CALCR: variants seen among roughly 807,000 people sequenced by gnomAD.
CALCR encodes calcitonin receptor.
CALCR carries 47 observed loss-of-function variants against 59.5 expected under a neutral mutation model. The observed-to-expected ratio is 0.79, with a 90% CI of 0.63 to 1.01. The LOEUF is 1.01. Among genes scored for constraint, CALCR ranks in the 50% least tolerant of loss-of-function variants. The pLI is 0.00. For missense variants in CALCR, 566 were observed against 597.1 expected, an observed-to-expected ratio of 0.95 and a Z score of 0.54; for synonymous variants, 213 against 211.3, an observed-to-expected ratio of 1.01 and a Z score of -0.07.
At chr7:93,454,339 C>A (rs1800165493) in intron 8 of CALCR, among the ~76,000 whole-genome samples, 1 of 151,934 alleles carries the variant, frequency 6.6e-6, no homozygotes, top group South Asian at 2.1e-4. Flanking sequence ...ATGTTGCTTT[C>A]CAGAACTTGG....
intron 2 of CALCR, 54 bp from the exon 3 acceptor site, chr7:93,487,061 C>T: frequency 3.3e-6 from 3 of 906,278 alleles, no homozygotes; most frequent in Non-Finnish European, 5.2e-6. Flanking sequence ...CTAATATTGG[C>T]TATGGCATTT....
chr7:93,453,915 T>C (rs1562979695), intron 8 of CALCR, among the ~76,000 whole-genome samples: 1 of 152,090 alleles, frequency 6.6e-6, no homozygotes, highest in Non-Finnish European at 1.5e-5. Context: ...TTTTGACATA[T>C]AAGTAAACTG....
rs547583836 is a variant in CALCR, at chr7:93,482,228, T to A, written c.52-2721A>T. ...AATATGTGTGTTTTAAAAATTCAAT[T>A]ACATATTAGGCAACCATCAAAACAA... On this transcript the variant is annotated intron_variant, in intron 3 of 13. Coordinates refer to ENST00000426151, the MANE Select transcript of CALCR (RefSeq NM_001742.4). Among the ~76,000 whole-genome samples, 15 of 151,964 alleles carry A rather than the reference T, an allele frequency of 9.9e-5. 1 individual carries two copies. Among genetic ancestry groups the A allele is most frequent in the African/African-American group, 3.6e-4 (15 of 41,530 alleles).
intron 2 of CALCR, among the ~76,000 whole-genome samples, chr7:93,569,216 A>G (rs1316872526): frequency 1.3e-5 from 2 of 151,920 alleles, no homozygotes; most frequent in African/African-American, 2.4e-5. Context: ...TCCACCAGAG[A>G]GATCTACCAA....
intron 5 of CALCR, among the ~76,000 whole-genome samples, chr7:93,475,709 G>T (rs144431348): frequency 1.4e-3 from 220 of 151,828 alleles, no homozygotes; most frequent in Admixed American, 2.7e-3. Flanking sequence ...ACTAAAGTCT[G>T]GATCGAGTCA....
intron 2 of CALCR, among the ~76,000 whole-genome samples, chr7:93,533,780 T>G (rs1311571229): frequency 1.3e-5 from 2 of 151,490 alleles, no homozygotes; most frequent in Admixed American, 1.3e-4. Flanking sequence ...TTTTAGAAGC[T>G]TTTTTTTCTC....
chr7:93,533,266 C>T (rs528398899), intron 2 of CALCR, among the ~76,000 whole-genome samples: 2 of 152,022 alleles, frequency 1.3e-5, no homozygotes, highest in South Asian at 4.1e-4. Flanking sequence ...TTTCATGGGA[C>T]TCAATTAATG....
intron 7 of CALCR, 112 bp downstream of exon 7, chr7:93,468,603 G>T: frequency 1.6e-6 from 1 of 623,822 alleles, no homozygotes; most frequent in Non-Finnish European, 2.8e-6. Flanking sequence ...AATGTTGCAT[G>T]TCGCTTGTAA....
In CALCR at chr7:93,458,745, C is replaced by A. The variant is rs564009196; in HGVS notation, c.648+2076G>T. Among the ~76,000 whole-genome samples the A allele has an allele frequency of 2.6e-3, 401 of 152,272 alleles. 1 individual carries two copies. Among genetic ancestry groups the A allele is most frequent in the Non-Finnish European group, 3.8e-3 (259 of 68,036 alleles). ...TCTGTCTTCGGGTTCATATACCTTT[C>A]CCTCCACTTGTCCATTCAGGCCTGG... On this transcript the variant is annotated intron_variant, in intron 8 of 13. Transcript: ENST00000426151.
chr7:93,547,268 T>C (rs1300166699), intron 2 of CALCR, among the ~76,000 whole-genome samples: 1 of 152,190 alleles, frequency 6.6e-6, no homozygotes, highest in Admixed American at 6.5e-5. Flanking sequence ...ATAGTTTATG[T>C]TATACATAAT....
intron 3 of CALCR, among the ~76,000 whole-genome samples, chr7:93,486,229 A>G (rs1056588549): frequency 1.3e-5 from 2 of 151,542 alleles, no homozygotes; most frequent in African/African-American, 4.8e-5. Flanking sequence ...TCTCCCATTC[A>G]TGTGCTATTG....
At chr7:93,446,115 G>A (rs1800002347) in intron 8 of CALCR, among the ~76,000 whole-genome samples, 1 of 151,904 alleles carries the variant, frequency 6.6e-6, no homozygotes, top group Admixed American at 6.6e-5. Context: ...CAATTTATAG[G>A]AAAAGACAAA....
At chr7:93,519,283 G>A (rs1483389621) in intron 2 of CALCR, among the ~76,000 whole-genome samples, 1 of 151,894 alleles carries the variant, frequency 6.6e-6, no homozygotes, top group Non-Finnish European at 1.5e-5. Flanking sequence ...TAACTTAAAT[G>A]AAAACTGATA....
In CALCR at chr7:93,443,758, C is replaced by T. The variant is rs1292096060; in HGVS notation, c.649-1G>A. ...AAAAATGCAAAATCTTGCAGCTCAC[C>T]TGTCAGAAAGAAAGGAAGATACTCA... is the stretch of plus-strand genomic sequence containing the variant. On this transcript the variant is annotated splice_acceptor_variant, in intron 8 of 13. Coordinates refer to ENST00000426151, the MANE Select transcript of CALCR (RefSeq NM_001742.4). LOFTEE classifies it high-confidence loss of function. 2.5e-6 allele frequency: 4 copies of T among 1,611,694 alleles called. No homozygotes were observed. Among genetic ancestry groups the T allele is most frequent in the Non-Finnish European group, 2.5e-6 (3 of 1,178,420 alleles).
intron 2 of CALCR, among the ~76,000 whole-genome samples, chr7:93,492,262 G>A (rs557407040): frequency 6.6e-5 from 10 of 150,722 alleles, no homozygotes; most frequent in Admixed American, 1.3e-4. Flanking sequence ...GGGTGCGAAG[G>A]GAGGAAACTT....
At chr7:93,493,265 T>A (rs1801124576) in intron 2 of CALCR, among the ~76,000 whole-genome samples, 2 of 151,388 alleles carry the variant, frequency 1.3e-5, no homozygotes, top group African/African-American at 4.8e-5. Context: ...TTTACAACTA[T>A]ATCCTCACCA....
chr7:93,470,029 TC>T (rs1293755591), intron 6 of CALCR, among the ~76,000 whole-genome samples: 3 of 151,770 alleles, frequency 2.0e-5, no homozygotes, highest in Non-Finnish European at 4.4e-5. Context: ...ACATTCCTTT[TC>T]TAGGCCTTAG....
intron 2 of CALCR, among the ~76,000 whole-genome samples, chr7:93,542,253 T>G (rs1224731870): frequency 6.6e-6 from 1 of 152,234 alleles, no homozygotes; most frequent in Non-Finnish European, 1.5e-5. Flanking sequence ...GATACCCTAT[T>G]GCTCCTAGGC....
chr7:93,495,947 G>C, intron 2 of CALCR: 1 of 1,526,670 alleles, frequency 6.6e-7, no homozygotes, highest in South Asian at 1.2e-5. Context: ...GGTGGCAAAA[G>C]TGGGTGGATC....
Sources: gnomAD v4.1 joint callset for allele counts (sites outside exome capture counted in the v4.1 genomes callset) on GRCh38, gnomAD v4.1.1 for gene constraint, MANE v1.5 for transcripts, NCBI Gene and HGNC (gene_info 2026-07-23, HGNC 2026-07-21) for gene names.